ANKRD28: variants seen among roughly 807,000 people sequenced by gnomAD.
ANKRD28 encodes serine/threonine-protein phosphatase 6 regulatory ankyrin repeat subunit A.
ANKRD28 carries 44 observed loss-of-function variants against 126.5 expected under a neutral mutation model. The ratio of observed to expected loss-of-function variants is 0.35; its 90% CI spans 0.27 to 0.45. The LOEUF is 0.45. Among genes scored for constraint, ANKRD28 ranks in the 20% least tolerant of loss-of-function variants. The probability of loss-of-function intolerance (pLI) is 1.00; values close to 1 mark genes in which losing one functional copy is unlikely to be tolerated. For synonymous variants in ANKRD28, 442 were observed against 468.5 expected, an observed-to-expected ratio of 0.94 and a Z score of 0.73; for missense variants, 1,110 against 1,316.6, an observed-to-expected ratio of 0.84 and a Z score of 2.43.
intron 1 of ANKRD28, among the ~76,000 whole-genome samples, chr3:15,829,493 T>C (rs1559580016): frequency 6.6e-6 from 1 of 152,210 alleles, no homozygotes; most frequent in African/African-American, 2.4e-5. Flanking sequence ...GAGCTTTTAG[T>C]ACTTTTTTCA....
chr3:15,749,025 T>C (rs1336560435), intron 4 of ANKRD28, among the ~76,000 whole-genome samples: 1 of 152,000 alleles, frequency 6.6e-6, no homozygotes, highest in East Asian at 1.9e-4. Flanking sequence ...AAGTGTGACC[T>C]TGATTTCTAG....
chr3:15,671,854 G>A (rs1171894880), intron 27 of ANKRD28, among the ~76,000 whole-genome samples: 1 of 151,934 alleles, frequency 6.6e-6, no homozygotes, highest in Non-Finnish European at 1.5e-5. Context: ...CAAATGCTGG[G>A]ATTACAGATG....
At chr3:15,758,410 T>G (rs2058282938) in intron 3 of ANKRD28, among the ~76,000 whole-genome samples, 1 of 152,124 alleles carries the variant, frequency 6.6e-6, no homozygotes, top group Non-Finnish European at 1.5e-5. Context: ...CTTTTAAGAG[T>G]GTTGTGGATA....
chr3:15,758,297 A>C (rs1559482332), intron 3 of ANKRD28, among the ~76,000 whole-genome samples: 1 of 152,326 alleles, frequency 6.6e-6, no homozygotes, highest in East Asian at 1.9e-4. Context: ...CAGTGGCAAA[A>C]GGTTCAGATT....
At chr3:15,813,044 CTCCT>C (rs1183272489) in intron 1 of ANKRD28, among the ~76,000 whole-genome samples, 1 of 135,368 alleles carries the variant, frequency 7.4e-6, no homozygotes, top group African/African-American at 3.4e-5. Context: ...TTTTAATCAC[CTCCT>C]TTTTTTTTTT....
chr3:15,859,505 C>G (rs368466520), exon 1 of ANKRD28: 1 of 1,162,516 alleles, frequency 8.6e-7, no homozygotes, highest in Non-Finnish European at 1.2e-6. Flanking sequence ...TTGGCCGCTG[C>G]CCGGGACCAG....
chr3:15,794,421 G>A (rs113811193), intron 2 of ANKRD28, among the ~76,000 whole-genome samples: 16 of 152,020 alleles, frequency 1.1e-4, no homozygotes, highest in African/African-American at 3.9e-4. Context: ...CTGTTTTGGT[G>A]TTGCCACAGC....
At chr3:15,768,831 GTTCT>G (rs1367934127) in intron 2 of ANKRD28, among the ~76,000 whole-genome samples, 2 of 152,060 alleles carry the variant, frequency 1.3e-5, no homozygotes, top group African/African-American at 2.4e-5. Flanking sequence ...TAAGCTAAGG[GTTCT>G]TTCTCTCACC....
chr3:15,836,634 C>T (rs1471828854), intron 1 of ANKRD28, among the ~76,000 whole-genome samples: 1 of 152,070 alleles, frequency 6.6e-6, no homozygotes, highest in Non-Finnish European at 1.5e-5. Flanking sequence ...AAAACATATA[C>T]CACACAAAGA....
chr3:15,811,250 A>C (rs2060705471), intron 1 of ANKRD28, among the ~76,000 whole-genome samples: 1 of 152,208 alleles, frequency 6.6e-6, no homozygotes, highest in South Asian at 2.1e-4. Context: ...TATTTCCCTG[A>C]ATTAAGATCT....
chr3:15,782,809 G>A (rs1452189856), intron 2 of ANKRD28, among the ~76,000 whole-genome samples: 1 of 152,074 alleles, frequency 6.6e-6, no homozygotes, highest in East Asian at 1.9e-4. Context: ...GAACCTGGGC[G>A]AGAACTTTTG....
At chr3:15,825,051 T>G (rs542604870) in intron 1 of ANKRD28, among the ~76,000 whole-genome samples, 1 of 152,238 alleles carries the variant, frequency 6.6e-6, no homozygotes. Context: ...AGAATAGATT[T>G]GATATGCTTG....
intron 23 of ANKRD28, 91 bp from the exon 24 acceptor site, chr3:15,678,445 A>C (rs2067188262): frequency 7.8e-7 from 1 of 1,286,050 alleles, no homozygotes; most frequent in Admixed American, 2.3e-5. Flanking sequence ...GCTGTTTTTA[A>C]GGGTTTACAT....
chr3:15,842,467 G>A (rs924935286), intron 1 of ANKRD28, among the ~76,000 whole-genome samples: 3 of 151,866 alleles, frequency 2.0e-5, no homozygotes, highest in African/African-American at 4.8e-5. Context: ...GGGTGGGGAG[G>A]GTTAATGGGT....
At chr3:15,806,678 C>A (rs896408763) in intron 1 of ANKRD28, among the ~76,000 whole-genome samples, 1 of 152,078 alleles carries the variant, frequency 6.6e-6, no homozygotes, top group Non-Finnish European at 1.5e-5. Context: ...CATGCCACCA[C>A]GCCCAGCTAA....
In ANKRD28 at chr3:15,843,798, A is replaced by T. The variant is rs1482004003; in HGVS notation, c.27+15579T>A. On this transcript the variant is annotated intron_variant, in intron 1 of 27. Coordinates refer to the ANKRD28 transcript ENST00000399451. This position sits in a 1 kb window ranked among gnomAD's most constrained non-coding sequence, Gnocchi z 5.2. ...AAAAAAAAAAAAGAGGCAGAAATCAAAATGTAGAAATAAAACAATTTACAA... is the reference window on the plus strand; with the variant it reads ...AAAAAAAAAAAAGAGGCAGAAATCATAATGTAGAAATAAAACAATTTACAA... Among the ~76,000 whole-genome samples the T allele has an allele frequency of 6.6e-6, 1 of 152,146 alleles. No individual in the cohort carries two copies. Among genetic ancestry groups the T allele is most frequent in the Non-Finnish European group, 1.5e-5 (1 of 68,018 alleles).
intron 6 of ANKRD28, among the ~76,000 whole-genome samples, chr3:15,727,931 C>T (rs1049718610): frequency 6.6e-6 from 1 of 152,160 alleles, no homozygotes; most frequent in African/African-American, 2.4e-5. Context: ...AGAAATGACT[C>T]CAATTTTGAA....
chr3:15,827,337 T>C (rs963120635), intron 1 of ANKRD28, among the ~76,000 whole-genome samples: 1 of 152,190 alleles, frequency 6.6e-6, no homozygotes, highest in Admixed American at 6.5e-5. Context: ...TACAGCATTA[T>C]TCAAAATAGC....
rs1441155350 is a variant in ANKRD28, at chr3:15,707,924, T to C, written c.1547A>G (p.Lys516Arg). The C allele has an allele frequency of 5.0e-6, 8 of 1,612,600 alleles. No individual in the cohort carries two copies. Among genetic ancestry groups the C allele is most frequent in the South Asian group, 3.3e-5 (3 of 90,942 alleles). ...CCACTCTCACTCCTATGGTACTTAC[T>C]TGCCATCTGTGTCTGATGTAGCTGC... is the stretch of plus-strand genomic sequence containing the variant. ...HYAATSDTDG[K>R]CLEYLLRNDA... The change falls in exon 14 of 28, where the codon AAG (lysine) becomes AGG (arginine). Residue 516 changes from lysine to arginine, a missense_variant and splice_region_variant. Lys to Arg is a conservative substitution (Grantham distance 26). Coordinates refer to ENST00000683139, the MANE Select transcript of ANKRD28 (RefSeq NM_001349278.2).
Sources: gnomAD v4.1 joint callset for allele counts (sites outside exome capture counted in the v4.1 genomes callset) on GRCh38, gnomAD v4.1.1 for gene constraint, Gnocchi (gnomAD v3.1) non-coding constraint, MANE v1.5 for transcripts, NCBI Gene and HGNC (gene_info 2026-07-23, HGNC 2026-07-21) for gene names.